LRP8: variants seen among roughly 807,000 people sequenced by gnomAD.
LRP8 encodes the protein LDL receptor related protein 8, also known as low-density lipoprotein receptor-related protein 8.
In LRP8, 46 loss-of-function variants were observed where a neutral mutation model predicts 111.6. That is an observed-to-expected ratio of 0.41 (90% confidence interval 0.33 to 0.53). The LOEUF is 0.53. Among genes scored for constraint, LRP8 ranks in the 20% least tolerant of loss-of-function variants. LRP8 has a pLI of 0.20. For missense variants in LRP8, 959 were observed against 1,297.4 expected (o/e 0.74, Z 4.01); for synonymous variants, 464 against 511.2 (o/e 0.91, Z 1.24).
intron 3 of LRP8, among the ~76,000 whole-genome samples, chr1:53,282,980 C>G (rs978347841): frequency 6.6e-6 from 1 of 152,232 alleles, no homozygotes; most frequent in East Asian, 1.9e-4. Flanking sequence ...TTTTTGAACA[C>G]CTAAGTTGTG....
At chr1:53,320,127 A>G (rs1015482547) in intron 2 of LRP8, among the ~76,000 whole-genome samples, 15 of 152,254 alleles carry the variant, frequency 9.9e-5, no homozygotes, top group African/African-American at 3.4e-4. Context: ...GCCCCTCACT[A>G]GCTCGCTCCC....
chr1:53,265,413 C>T (rs149290195), intron 9 of LRP8, among the ~76,000 whole-genome samples: 56 of 152,294 alleles, frequency 3.7e-4, no homozygotes, highest in African/African-American at 1.2e-3. Flanking sequence ...GCCAACCAGA[C>T]GGCCCAAACC....
chr1:53,278,333 G>T (rs552813494), intron 4 of LRP8, among the ~76,000 whole-genome samples: 2 of 152,220 alleles, frequency 1.3e-5, no homozygotes, highest in Admixed American at 6.5e-5. Flanking sequence ...GCCCCGGGAT[G>T]GGGGTAGGCC....
In LRP8 at chr1:53,276,881, AC is replaced by A; in HGVS notation, c.693del (p.Gln231HisfsTer107). 4 of 1,408,972 alleles carry A rather than the reference AC, an allele frequency of 2.8e-6. No homozygotes were observed. Among genetic ancestry groups the A allele is most frequent in the Non-Finnish European group, 3.7e-6 (4 of 1,084,404 alleles). 87.3% of individuals were successfully genotyped at this position (1,408,972 alleles called of 1,614,324 possible). A position where few individuals can be genotyped will look rare whatever the true frequency, so the allele number is the denominator to read the frequency against. ...TCGTCCGAGCGGTCCTCGCAGTCAA[AC>A]TGGCGGTCGCAGACCCAGCGCTCCG... ...CIPERWVCDR[Q>X]FDCEDRSDEA... On this transcript the variant is annotated frameshift_variant, in exon 5 of 19. Transcript: ENST00000306052. LOFTEE classifies it high-confidence loss of function.
chr1:53,278,653 C>T (rs566235147), intron 4 of LRP8, among the ~76,000 whole-genome samples: 3 of 152,074 alleles, frequency 2.0e-5, no homozygotes, highest in African/African-American at 4.8e-5. Flanking sequence ...CTCAATATTA[C>T]GCTGACACCT....
At chr1:53,260,071 T>C (rs1646272281) in intron 13 of LRP8, among the ~76,000 whole-genome samples, 1 of 152,192 alleles carries the variant, frequency 6.6e-6, no homozygotes, top group Admixed American at 6.5e-5. Context: ...TGGCTACAAA[T>C]AGCAAGTTAG....
Position 53,266,610 on chromosome 1 carries a change from G to T in LRP8, c.1290C>A (p.His430Gln). 6.2e-7 allele frequency: 1 copy of T among 1,614,132 alleles called. No homozygotes were observed. The highest frequency in any genetic ancestry group is 2.2e-5 in the East Asian group (1 of 44,874). ...KSPSLIFTNR[H>Q]EVRRIDLVKR... ...TCACCAGGTCGATCCTCCGCACCTC[G>T]TGCCGGTTGGTGAAGATTAGGGATG... The change falls in exon 9 of 19, where the codon CAC (histidine) becomes CAA (glutamine). Residue 430 changes from histidine (H) to glutamine (Q), a missense_variant. Transcript: ENST00000306052. This position sits in a 1 kb window ranked among gnomAD's most constrained non-coding sequence, Gnocchi z 5.0.
At chr1:53,281,517 C>T (rs757797877) in intron 3 of LRP8, among the ~76,000 whole-genome samples, 1 of 152,162 alleles carries the variant, frequency 6.6e-6, no homozygotes, top group East Asian at 1.9e-4. Flanking sequence ...GCAGGAGGCC[C>T]GACCTCCGTG....
At position 53,262,181 on chromosome 1, in the gene LRP8, C is replaced by T; in HGVS notation, c.1801G>A (p.Val601Ile). ...LDLLSQRLYW[V>I]DSKLHQLSSI... Reference sequence around the variant, plus strand: ...GACAGTTGGTGTAGCTTGGAGTCTACCCAGTACAAGCGCTGGCTCAGCAGA... The same window carrying T: ...GACAGTTGGTGTAGCTTGGAGTCTATCCAGTACAAGCGCTGGCTCAGCAGA... Residue 601 changes from valine to isoleucine, a missense_variant, in exon 12 of 19, where the codon GTA becomes ATA. Transcript: ENST00000306052. The surrounding 1 kb of genome is among the most constrained non-coding windows in gnomAD (Gnocchi z 4.8). 1.2e-6 allele frequency: 2 copies of T among 1,613,762 alleles called. No individual in the cohort carries two copies. Among genetic ancestry groups the T allele is most frequent in the Non-Finnish European group, 1.7e-6 (2 of 1,180,036 alleles).
At chr1:53,292,971 C>T (rs1372017629) in intron 2 of LRP8, among the ~76,000 whole-genome samples, 2 of 152,342 alleles carry the variant, frequency 1.3e-5, no homozygotes, top group South Asian at 2.1e-4. Context: ...TTCTGTTCTA[C>T]GTTCTGCACT....
At chr1:53,263,875 A>G (rs1180535632) in intron 10 of LRP8, among the ~76,000 whole-genome samples, 1 of 152,178 alleles carries the variant, frequency 6.6e-6, no homozygotes, top group Non-Finnish European at 1.5e-5. Context: ...CACCTACAGC[A>G]GCCTGAAGAA....
At chr1:53,287,669 G>A (rs1018571073) in intron 3 of LRP8, among the ~76,000 whole-genome samples, 1 of 152,174 alleles carries the variant, frequency 6.6e-6, no homozygotes, top group Non-Finnish European at 1.5e-5. Flanking sequence ...TGTTTTTGAA[G>A]GAAGTCTATC....
chr1:53,310,065 T>C (rs1652713201), intron 2 of LRP8, among the ~76,000 whole-genome samples: 1 of 152,072 alleles, frequency 6.6e-6, no homozygotes, highest in South Asian at 2.1e-4. Context: ...CCCCGGAGCA[T>C]ACCCACACCC....
Position 53,317,289 on chromosome 1 carries a change from T to C in LRP8, c.244+9584A>G, listed in dbSNP as rs987880908. 2.0e-5 allele frequency among the ~76,000 whole-genome samples: 3 copies of C among 152,178 alleles called. No individual in the cohort carries two copies. Among genetic ancestry groups the C allele is most frequent in the Non-Finnish European group, 4.4e-5 (3 of 68,020 alleles). ...GGGCCTGATGGGACCTTCCTGCCTC[T>C]CATCAGCTGCCAAGTCTCTGATGTT... On this transcript the variant is annotated intron_variant, in intron 2 of 18. Transcript: ENST00000306052. The surrounding 1 kb of genome is among the most constrained non-coding windows in gnomAD (Gnocchi z 4.9).
Position 53,257,323 on chromosome 1 carries a change from A to G in LRP8, c.2351T>C (p.Val784Ala), listed in dbSNP as rs759037109. 1 of 1,614,068 alleles carries G rather than the reference A, an allele frequency of 6.2e-7. No individual in the cohort carries two copies. Among genetic ancestry groups the G allele is most frequent in the Non-Finnish European group, 8.5e-7 (1 of 1,179,992 alleles). Residue 784 changes from valine to alanine, a missense_variant, in exon 15 of 19, where the codon GTC (valine) becomes GCC (alanine). Transcript: ENST00000306052. ...STETPSLTAA[V>A]PSSVSVPRAP... is the part of the protein sequence containing the mutation. ...CCTGGGGACACTAACTGAGCTTGGG[A>G]CTGCAGCTGTCAGGCTTGGTGTCTC...
chr1:53,284,227 C>T (rs34941191), intron 3 of LRP8, among the ~76,000 whole-genome samples: 4,314 of 64,726 alleles, frequency 0.067, 25 homozygotes, highest in East Asian at 0.27. Flanking sequence ...GGCCACTTAC[C>T]TACTACATAC....
intron 3 of LRP8, among the ~76,000 whole-genome samples, chr1:53,287,047 C>T (rs1333407965): frequency 6.6e-6 from 1 of 152,238 alleles, no homozygotes; most frequent in Non-Finnish European, 1.5e-5. Context: ...TATATCCAAT[C>T]CCAAACTCAC....
In LRP8 at chr1:53,262,507, G is replaced by C; in HGVS notation, c.1713C>G (p.Asn571Lys). Reference protein sequence around the residue: ...DQAKIEKSGLNGVDRQTLVSD... With the variant: ...DQAKIEKSGLKGVDRQTLVSD... ...ACACCAGTGTTTGCCGGTCCACACC[G>C]TTGAGCCCAGATTTCTCAATCTTGG... Residue 571 changes from asparagine (N) to lysine (K), a missense_variant, in exon 11 of 19, where the codon AAC (asparagine) becomes AAG (lysine). This residue lies in a region of LRP8 where 819 missense variants were observed against 1,097.6 expected (regional missense o/e 0.75). Transcript: ENST00000306052. This position sits in a 1 kb window ranked among gnomAD's most constrained non-coding sequence, Gnocchi z 4.8. 1 of 1,614,182 alleles carries C rather than the reference G, an allele frequency of 6.2e-7. No homozygotes were observed. Among genetic ancestry groups the C allele is most frequent in the Non-Finnish European group, 8.5e-7 (1 of 1,180,040 alleles).
intron 8 of LRP8, among the ~76,000 whole-genome samples, chr1:53,269,593 G>A (rs1452793148): frequency 6.6e-6 from 1 of 152,068 alleles, no homozygotes; most frequent in Non-Finnish European, 1.5e-5. Flanking sequence ...GGGATTACAA[G>A]CGTGAGCCAC....
Sources: allele counts gnomAD v4.1 joint callset (sites outside exome capture counted in the v4.1 genomes callset), GRCh38; gene constraint gnomAD v4.1.1; regional missense constraint gnomAD v4.1.1; non-coding constraint Gnocchi (gnomAD v3.1); transcripts MANE v1.5; gene names NCBI Gene and HGNC (gene_info 2026-07-23, HGNC 2026-07-21).